ZNF717: variants seen among roughly 807,000 people sequenced by gnomAD.
The protein encoded by ZNF717 is zinc finger protein 717.
A neutral mutation model predicts 13.8 loss-of-function variants in ZNF717; 9 were observed. The observed-to-expected ratio is 0.65, with a 90% CI of 0.39 to 1.14. ZNF717 has a LOEUF of 1.14. Ranked by LOEUF, ZNF717 falls within the 50% of genes most tolerant of loss-of-function variation. ZNF717 has a pLI of 0.01. For synonymous variants in ZNF717, 327 were observed against 364.1 expected (o/e 0.90, Z 1.16); for missense variants, 1,040 against 1,080.7 (o/e 0.96, Z 0.53).
intron 2 of ZNF717, among the ~76,000 whole-genome samples, chr3:75,770,547 C>T (rs60155415): frequency 0.094 from 14,238 of 151,878 alleles, 1,144 homozygotes; most frequent in African/African-American, 0.21. Context: ...GCAACAAGAG[C>T]GAAACTCTGT....
chr3:75,733,778 CA>C (rs56196464), downstream of ZNF717, among the ~76,000 whole-genome samples: 1,532 of 26,584 alleles, frequency 0.058, 10 homozygotes, highest in Non-Finnish European at 0.074. Flanking sequence ...GACTCTATCT[CA>C]AAAAAAAAAA....
chr3:75,710,517 C>T (rs1937909222), exon 6 of ZNF717: 1 of 152,222 alleles, frequency 6.6e-6, no homozygotes, highest in Admixed American at 6.5e-5. Context: ...GTAAAAATCT[C>T]ATCACGTGGA....
chr3:75,739,125 A>C lies in ZNF717; in HGVS notation c.498T>G (p.Leu166=). The C allele has an allele frequency of 6.4e-7, 1 of 1,550,938 alleles. No individual in the cohort carries two copies. Among genetic ancestry groups the C allele is most frequent in the Non-Finnish European group, 8.7e-7 (1 of 1,146,490 alleles). The change falls in exon 5 of 5, where the codon CTT becomes CTG. Residue 166 remains leucine (L), a synonymous_variant. Coordinates refer to ENST00000652011, the MANE Select transcript of ZNF717 (RefSeq NM_001290208.3). ...GTGTCTCCCCAGGCTTAATAGGGAA[A>C]AGCATGTTCTGGCAATCATTAAACT... is the stretch of plus-strand genomic sequence containing the variant. ...PGQFNDCQNM[L]FPIKPGETQS... is the part of the protein sequence containing the mutation.
At chr3:75,765,001 ATATAT>A (rs1396896946) in intron 2 of ZNF717, among the ~76,000 whole-genome samples, 4 of 25,254 alleles carry the variant, frequency 1.6e-4, no homozygotes, top group African/African-American at 5.0e-4. Context: ...ATATATATAT[ATATAT>A]ATATATATAT....
At chr3:75,701,018 G>A (rs8180035) in intron 6 of ZNF717, among the ~76,000 whole-genome samples, 9,287 of 128,864 alleles carry the variant, frequency 0.072, no homozygotes, top group South Asian at 0.083. Flanking sequence ...CAGAATGGGA[G>A]AAAATATTTG....
At chr3:75,734,877 C>G (rs1938972389), downstream of ZNF717, among the ~76,000 whole-genome samples, 1 of 131,406 alleles carries the variant, frequency 7.6e-6, no homozygotes, top group Non-Finnish European at 1.5e-5. Flanking sequence ...GGCTGGAGTG[C>G]AGTGGTGCAA....
chr3:75,764,993 AT>A (rs1943329270), intron 2 of ZNF717, among the ~76,000 whole-genome samples: 2 of 12,950 alleles, frequency 1.5e-4, no homozygotes, highest in Non-Finnish European at 3.6e-4. Flanking sequence ...ACAAAAGGAT[AT>A]ATATATATAT....
intron 2 of ZNF717, among the ~76,000 whole-genome samples, chr3:75,746,921 G>C (rs1204764816): frequency 3.9e-5 from 6 of 152,136 alleles, no homozygotes; most frequent in Admixed American, 6.5e-5. Context: ...TGGTGTTTTA[G>C]ACATGAAGTC....
chr3:75,732,551 C>A (rs1473502538), downstream of ZNF717, among the ~76,000 whole-genome samples: 1 of 152,126 alleles, frequency 6.6e-6, no homozygotes. Context: ...TGAAACAGGC[C>A]AAATGAAGCT....
At chr3:75,697,535 G>T (rs1937616583) in intron 6 of ZNF717, among the ~76,000 whole-genome samples, 1 of 152,312 alleles carries the variant, frequency 6.6e-6, no homozygotes, top group Non-Finnish European at 1.5e-5. Flanking sequence ...GCTGTGTGAT[G>T]TGCAAGATTC....
In ZNF717 at chr3:75,783,333, T is replaced by C; in HGVS notation, c.30A>G (p.Gln10=). MFPVFSGCF[Q]ELQEKNKSLE... ...GAGATTTATTCTTTTCTTGTAGCTC[T>C]TGGAAACAGCCAGAGAACACTGGAA... The change falls in exon 2 of 5, where the codon CAA becomes CAG. Residue 10 remains glutamine (Q), a synonymous_variant. Coordinates refer to ENST00000652011, the MANE Select transcript of ZNF717 (RefSeq NM_001290208.3). 3.2e-6 allele frequency: 5 copies of C among 1,551,366 alleles called. No homozygotes were observed. The highest frequency in any genetic ancestry group is 4.4e-6 in the Non-Finnish European group (5 of 1,146,692).
At chr3:75,748,448 C>T (rs1941377142) in intron 2 of ZNF717, among the ~76,000 whole-genome samples, 1 of 152,192 alleles carries the variant, frequency 6.6e-6, no homozygotes, top group Admixed American at 6.5e-5. Context: ...CAATACAATA[C>T]TTGCAAAACC....
chr3:75,768,240 A>T (rs1943631373), intron 2 of ZNF717, among the ~76,000 whole-genome samples: 2 of 151,412 alleles, frequency 1.3e-5, no homozygotes, highest in African/African-American at 4.8e-5. Context: ...ACTGCGGCTG[A>T]GTGTGTGGGT....
intron 4 of ZNF717, among the ~76,000 whole-genome samples, chr3:75,740,291 C>T (rs1406574006): frequency 2.0e-5 from 3 of 152,206 alleles, no homozygotes; most frequent in Non-Finnish European, 2.9e-5. Flanking sequence ...AATCTGAGCC[C>T]TTCAACAGGA....
intron 4 of ZNF717, among the ~76,000 whole-genome samples, chr3:75,718,254 A>G (rs1391048150): frequency 6.6e-6 from 1 of 152,174 alleles, no homozygotes; most frequent in Non-Finnish European, 1.5e-5. Flanking sequence ...GCTGCAGAGA[A>G]GGGGATACAC....
chr3:75,774,240 C>CT (rs1432692380), intron 2 of ZNF717, among the ~76,000 whole-genome samples: 4 of 150,270 alleles, frequency 2.7e-5, no homozygotes, highest in African/African-American at 9.8e-5. Flanking sequence ...GAAGGTAAGT[C>CT]TTCCCTCTAT....
At position 75,737,443 on chromosome 3, in the gene ZNF717, C is replaced by T. The variant is rs754107360; in HGVS notation, c.2180G>A (p.Gly727Glu). The change falls in exon 5 of 5, where the codon GGG becomes GAG. Residue 727 changes from glycine to glutamate, a missense_variant. Gly to Glu is a moderately conservative substitution (Grantham distance 98, BLOSUM62 -2). Transcript: ENST00000652011. ...IFRSIKVFTR[G>E]RNPMNVANVE... ...ATTTGCTACATTCATAGGGTTTCTC[C>T]CCCGTGTGAATACCTTGATGCTTCT... 2,404 of 1,551,792 alleles carry T rather than the reference C, an allele frequency of 1.5e-3. No individual in the cohort carries two copies. The African/African-American group carries it at 0.031, about 20-fold the overall frequency.
chr3:75,757,179 T>C (rs1942572546), intron 2 of ZNF717, among the ~76,000 whole-genome samples: 1 of 152,232 alleles, frequency 6.6e-6, no homozygotes, highest in South Asian at 2.1e-4. Context: ...ACTAAATAGA[T>C]TTTCAATGGA....
chr3:75,704,578 A>C (rs1419679268), intron 6 of ZNF717, among the ~76,000 whole-genome samples: 15 of 152,410 alleles, frequency 9.8e-5, no homozygotes, highest in Non-Finnish European at 2.1e-4. Flanking sequence ...TTAGAGGCCA[A>C]GCTCACAGGG....
Sources: allele counts gnomAD v4.1 joint callset (sites outside exome capture counted in the v4.1 genomes callset), GRCh38; gene constraint gnomAD v4.1.1; transcripts MANE v1.5; gene names NCBI Gene and HGNC (gene_info 2026-07-23, HGNC 2026-07-21).